The following UBE3B variants were observed in gnomAD, a reference collection of about 807,000 sequenced individuals.
UBE3B encodes the protein ubiquitin-protein ligase E3B.
Under a neutral mutation model 132.3 loss-of-function variants are expected in UBE3B, and 80 were observed. The observed-to-expected ratio is 0.60, with a 90% CI of 0.50 to 0.73. The LOEUF (loss-of-function observed/expected upper bound fraction) is 0.73. Ranked by LOEUF, UBE3B falls within the 30% of genes least tolerant of loss-of-function variation. The probability of loss-of-function intolerance (pLI) is 0.00; values close to 1 mark genes in which losing one functional copy is unlikely to be tolerated. For missense variants in UBE3B, 1,196 were observed against 1,362.5 expected (o/e 0.88, Z 1.92); for synonymous variants, 487 against 520.4 (o/e 0.94, Z 0.87).
rs1881878278 is a variant in UBE3B at position 109,522,919 on chromosome 12, CAT to C, written c.2365-1056_2365-1055del. 6.6e-6 allele frequency among the ~76,000 whole-genome samples: 1 copy of C among 152,214 alleles called. No homozygotes were observed. The highest frequency in any genetic ancestry group is 2.4e-5 in the African/African-American group (1 of 41,464). On this transcript the variant is annotated intron_variant, in intron 21 of 27. Transcript: ENST00000342494. The surrounding 1 kb of genome is among the most constrained non-coding windows in gnomAD (Gnocchi z 4.2). ...CATTAGGACCCACCCGAGCACATGG[CAT>C]ATGTTTTCCTTTAAACACGTTGCTG...
intron 26 of UBE3B, among the ~76,000 whole-genome samples, chr12:109,531,742 T>C (rs1458236556): frequency 6.6e-6 from 1 of 152,096 alleles, no homozygotes; most frequent in Non-Finnish European, 1.5e-5. Context: ...ATTCCAGAAG[T>C]TGATTCTGGG....
chr12:109,534,705 A>C lies in UBE3B; in HGVS notation c.3130A>C (p.Asn1044His). The C allele has an allele frequency of 6.2e-7, 1 of 1,607,240 alleles. No homozygotes were observed. The highest frequency in any genetic ancestry group is 8.5e-7 in the Non-Finnish European group (1 of 1,177,326). ...STCFNLLKLP[N>H]YSKKSVLREK... Reference sequence around the variant, plus strand: ...CTGCTTCAACCTGCTCAAGCTGCCCAACTACAGCAAGAAGAGCGTCCTCCG... The same window carrying C: ...CTGCTTCAACCTGCTCAAGCTGCCCCACTACAGCAAGAAGAGCGTCCTCCG... The change falls in exon 28 of 28, where the codon AAC (asparagine) becomes CAC (histidine). Residue 1044 changes from asparagine to histidine, a missense_variant. By Grantham distance (68) the Asn-to-His change is moderately conservative. Coordinates refer to ENST00000342494, the MANE Select transcript of UBE3B (RefSeq NM_130466.4). This position sits in a 1 kb window ranked among gnomAD's most constrained non-coding sequence, Gnocchi z 5.2.
intron 18 of UBE3B, among the ~76,000 whole-genome samples, chr12:109,514,757 A>G (rs543204739): frequency 1.6e-3 from 247 of 151,532 alleles, no homozygotes; most frequent in African/African-American, 4.9e-3. Context: ...TGTGTCCCCA[A>G]TCTGTCCCCT....
At chr12:109,543,402 G>C in the UBE3B span, among the ~76,000 whole-genome samples, 7 of 152,196 alleles carry the variant, frequency 4.6e-5, no homozygotes, top group East Asian at 1.9e-4. Context: ...AGCAGGACTC[G>C]GCTGAGGCCC....
At chr12:109,524,207 T>C (rs1566109912) in intron 22 of UBE3B, 92 bp downstream of exon 22, 1 of 1,545,056 alleles carries the variant, frequency 6.5e-7, no homozygotes, top group African/African-American at 1.4e-5. Context: ...TCCTCTCTTA[T>C]TGCTGTTGCT....
chr12:109,512,173 T>G (rs192694454), intron 18 of UBE3B, among the ~76,000 whole-genome samples: 64 of 152,062 alleles, frequency 4.2e-4, no homozygotes, highest in Non-Finnish European at 8.5e-4. Context: ...AGCACCCAAA[T>G]CTCCTGACTG....
At position 109,483,719 on chromosome 12, in the gene UBE3B, G is replaced by A; in HGVS notation, c.161+7G>A. On this transcript the variant is annotated splice_region_variant and intron_variant, in intron 3 of 27. Coordinates refer to ENST00000342494, the MANE Select transcript of UBE3B (RefSeq NM_130466.4). ...GACTGCAGAGAGATATCAGGTAAGG[G>A]CTAGGATCTCCCTAGCACATGATTC... The A allele has an allele frequency of 1.3e-6, 2 of 1,594,212 alleles. No individual in the cohort carries two copies. Among genetic ancestry groups the A allele is most frequent in the Non-Finnish European group, 1.7e-6 (2 of 1,171,240 alleles).
chr12:109,540,269 G>T (rs954299691), downstream of UBE3B, among the ~76,000 whole-genome samples: 2 of 152,058 alleles, frequency 1.3e-5, no homozygotes, highest in African/African-American at 2.4e-5. Flanking sequence ...TTGCCCAGGC[G>T]CAATCTTGGT....
downstream of UBE3B, among the ~76,000 whole-genome samples, chr12:109,538,388 C>T (rs1035570452): frequency 1.3e-5 from 2 of 152,208 alleles, no homozygotes; most frequent in South Asian, 2.1e-4. This position sits in a 1 kb window ranked among gnomAD's most constrained non-coding sequence, Gnocchi z 4.1. Flanking sequence ...AGAAGCAGAG[C>T]GTGGGCTCTG....
At position 109,501,346 on chromosome 12, in the gene UBE3B, C is replaced by A. The variant is rs1175526830; in HGVS notation, c.1119-25C>A. 4 of 1,612,972 alleles carry A rather than the reference C, an allele frequency of 2.5e-6. No individual in the cohort carries two copies. In the South Asian group the frequency reaches 4.4e-5, roughly 18 times the overall value. On this transcript the variant is annotated intron_variant, in intron 12 of 27. Transcript: ENST00000342494. ...CCCTGCATCAGATGGAACTGACAGA[C>A]CAGGTCTCCTCTGCTCTCTCCTAGC...
Position 109,530,636 on chromosome 12 carries a change from A to T in UBE3B, c.2900A>T (p.Asp967Val). 1 of 1,614,204 alleles carries T rather than the reference A, an allele frequency of 6.2e-7. No individual in the cohort carries two copies. The highest frequency in any genetic ancestry group is 8.5e-7 in the Non-Finnish European group (1 of 1,180,030). The change falls in exon 26 of 28, where the codon GAT (aspartate) becomes GTT (valine). Residue 967 changes from aspartate (D) to valine (V), a missense_variant. Transcript: ENST00000342494. ...WDILASDFTP[D>V]ERAMFLKFVT... ...ATTCTGGCCTCCGACTTCACACCGG[A>T]TGAGAGAGCTATGTTTCTGAAGGTA...
intron 19 of UBE3B, chr12:109,519,578 A>AT (rs1331204529): frequency 4.6e-5 from 7 of 152,184 alleles, no homozygotes; most frequent in Non-Finnish European, 7.3e-5. Context: ...GGGAGGCATA[A>AT]TTTTAAAGCA....
At chr12:109,478,305 C>T (rs1874677782) in intron 1 of UBE3B, among the ~76,000 whole-genome samples, 196 bp downstream of exon 1, 1 of 152,202 alleles carries the variant, frequency 6.6e-6, no homozygotes, top group African/African-American at 2.4e-5. Flanking sequence ...TTTGCTTGGC[C>T]ATTCTGTGAA....
chr12:109,485,908 C>T, intron 4 of UBE3B, 104 bp from the exon 5 acceptor site: 1 of 1,236,848 alleles, frequency 8.1e-7, no homozygotes, highest in Middle Eastern at 2.3e-4. Context: ...AATCACCTGG[C>T]ATAATACCTG....
intron 23 of UBE3B, 103 bp from the exon 24 acceptor site, chr12:109,526,255 T>G: frequency 8.5e-7 from 1 of 1,177,612 alleles, no homozygotes; most frequent in East Asian, 2.4e-5. Flanking sequence ...CCATCTTAAT[T>G]CCATCATTAT....
chr12:109,498,181 C>T, intron 10 of UBE3B, 52 bp from the exon 11 acceptor site: 4 of 1,607,116 alleles, frequency 2.5e-6, no homozygotes, highest in Admixed American at 1.7e-5. Context: ...TCACTCTCTA[C>T]AGGAAACTGT....
intron 18 of UBE3B, among the ~76,000 whole-genome samples, chr12:109,512,147 G>A (rs908402122): frequency 6.6e-6 from 1 of 152,178 alleles, no homozygotes; most frequent in East Asian, 1.9e-4. Context: ...CAGGAGGGAG[G>A]AGCTTGTGTG....
At position 109,529,618 on chromosome 12, in the gene UBE3B, G is replaced by A. The variant is rs900167722; in HGVS notation, c.2628-272G>A. 7.2e-4 allele frequency among the ~76,000 whole-genome samples: 109 copies of A among 152,190 alleles called. 2 individuals carry two copies. Among genetic ancestry groups the A allele is most frequent in the Admixed American group, 7.1e-3 (109 of 15,290 alleles). On this transcript the variant is annotated intron_variant, in intron 24 of 27. Coordinates refer to ENST00000342494, the MANE Select transcript of UBE3B (RefSeq NM_130466.4). ...CTCCTTGTGATTCCCGACATAGTGG[G>A]GGCTTACCCCGAGGTGTGACCTATG...
At chr12:109,485,514 C>A (rs986963478) in intron 4 of UBE3B, among the ~76,000 whole-genome samples, 1 of 152,184 alleles carries the variant, frequency 6.6e-6, no homozygotes, top group East Asian at 1.9e-4. Context: ...AGGGCGGATC[C>A]AGGATTGGTA....
Sources: gnomAD v4.1 joint callset for allele counts (sites outside exome capture counted in the v4.1 genomes callset) on GRCh38, gnomAD v4.1.1 for gene constraint, Gnocchi (gnomAD v3.1) non-coding constraint, MANE v1.5 for transcripts, NCBI Gene and HGNC (gene_info 2026-07-23, HGNC 2026-07-21) for gene names.